The following SOX5 variants were observed in gnomAD, a reference collection of about 807,000 sequenced individuals.
The protein encoded by SOX5 is transcription factor SOX-5.
In SOX5, 9 loss-of-function variants were observed where a neutral mutation model predicts 92.0. That is an observed-to-expected ratio of 0.10 (90% CI 0.06 to 0.17). The LOEUF (loss-of-function observed/expected upper bound fraction) is 0.17, where lower values mean the gene tolerates loss of function less well. Ranked by LOEUF, SOX5 falls within the 10% of genes least tolerant of loss-of-function variation. SOX5 has a pLI of 1.00. For synonymous variants in SOX5, 344 were observed against 336.3 expected (o/e 1.02, Z -0.25); for missense variants, 642 against 944.5 (o/e 0.68, Z 4.20).
intron 7 of SOX5, among the ~76,000 whole-genome samples, chr12:23,661,836 T>C (rs1442784639): frequency 1.3e-5 from 2 of 152,190 alleles, no homozygotes; most frequent in African/African-American, 4.8e-5. Context: ...GAAACTTTAG[T>C]TACTTAGTTG....
chr12:23,592,757 A>G (rs1951745787), intron 9 of SOX5, among the ~76,000 whole-genome samples: 1 of 152,166 alleles, frequency 6.6e-6, no homozygotes, highest in East Asian at 1.9e-4. Flanking sequence ...AAAATTTCAA[A>G]TATATATTCA....
intron 7 of SOX5, among the ~76,000 whole-genome samples, chr12:23,656,987 T>C (rs547401790): frequency 1.3e-5 from 2 of 152,070 alleles, no homozygotes; most frequent in Non-Finnish European, 2.9e-5. Flanking sequence ...TGAAGGGTAT[T>C]ATGAGCTGAC....
At chr12:23,829,714 C>T (rs1476838897) in intron 3 of SOX5, among the ~76,000 whole-genome samples, 1 of 152,030 alleles carries the variant, frequency 6.6e-6, no homozygotes, top group Non-Finnish European at 1.5e-5. Flanking sequence ...TTACATAGAC[C>T]TGATAGTAGA....
At chr12:23,539,605 TAA>T (rs35395976) in intron 13 of SOX5, among the ~76,000 whole-genome samples, 25,398 of 140,990 alleles carry the variant, frequency 0.18, 2,441 homozygotes, top group Middle Eastern at 0.32. Flanking sequence ...TGGTCTGGCT[TAA>T]AAAAAAAAAA....
At chr12:24,538,066 T>TGCCCTATGA in intron 1 of SOX5, among the ~76,000 whole-genome samples, 1 of 152,180 alleles carries the variant, frequency 6.6e-6, no homozygotes, top group African/African-American at 2.4e-5. Context: ...CGGGAAGCAA[T>TGCCCTATGA]ATTCTCCAAA....
intron 2 of SOX5, among the ~76,000 whole-genome samples, chr12:24,314,535 T>TA (rs536101513): frequency 2.6e-4 from 38 of 146,892 alleles, no homozygotes; most frequent in South Asian, 6.6e-4. Flanking sequence ...AATTAAAAAA[T>TA]AAAAAAAAAA....
chr12:24,292,663 T>C (rs7315635), intron 2 of SOX5, among the ~76,000 whole-genome samples: 1,829 of 152,340 alleles, frequency 0.012, 30 homozygotes, highest in African/African-American at 0.042. Context: ...ACACAGTTGA[T>C]AGAATTTTGT....
At chr12:23,889,893 C>G (rs1568667494) in intron 2 of SOX5, among the ~76,000 whole-genome samples, 1 of 152,096 alleles carries the variant, frequency 6.6e-6, no homozygotes, top group Admixed American at 6.6e-5. Flanking sequence ...TCAGTATAAA[C>G]AATAAATTAG....
At position 23,887,335 on chromosome 12, in the gene SOX5, T is replaced by A. The variant is rs558740092; in HGVS notation, c.270+8458A>T. Among the ~76,000 whole-genome samples, 14 of 152,062 alleles carry A rather than the reference T, an allele frequency of 9.2e-5. No homozygotes were observed. In the South Asian group the frequency reaches 2.9e-3, roughly 32 times the overall value. On this transcript the variant is annotated intron_variant, in intron 2 of 14. Transcript: ENST00000451604. ...AAGAATGTTTTCTGATAGAGCCAAA[T>A]TGAAAGAAAGAGGAAAAAGAGAAGC... is the stretch of plus-strand genomic sequence containing the variant.
chr12:23,751,555 C>G (rs373438792), intron 4 of SOX5, among the ~76,000 whole-genome samples: 30 of 151,848 alleles, frequency 2.0e-4, no homozygotes, highest in African/African-American at 6.3e-4. Context: ...AAGCCACTGA[C>G]TGACTCTATA....
chr12:23,886,003 A>G (rs1460927612), intron 2 of SOX5, among the ~76,000 whole-genome samples: 3 of 152,156 alleles, frequency 2.0e-5, no homozygotes, highest in Non-Finnish European at 4.4e-5. Context: ...AAGAAAGGAA[A>G]GGGTTTAGAT....
At chr12:24,506,601 C>A (rs1304078780) in intron 1 of SOX5, among the ~76,000 whole-genome samples, 1 of 151,948 alleles carries the variant, frequency 6.6e-6, no homozygotes, top group Non-Finnish European at 1.5e-5. Flanking sequence ...TATAGAATTT[C>A]ATGCAAGGGG....
intron 8 of SOX5, among the ~76,000 whole-genome samples, chr12:23,617,534 T>G (rs2076707456): frequency 6.6e-6 from 1 of 152,180 alleles, no homozygotes. Flanking sequence ...TTACTCAGTG[T>G]GATACTTGGA....
chr12:24,424,811 G>C (rs537720317), intron 1 of SOX5, among the ~76,000 whole-genome samples: 22 of 149,322 alleles, frequency 1.5e-4, no homozygotes, highest in South Asian at 4.2e-4. Flanking sequence ...TTTTTTTTGG[G>C]GGGGGGGGAT....
intron 2 of SOX5, among the ~76,000 whole-genome samples, chr12:23,864,955 C>T (rs554368082): frequency 8.7e-4 from 132 of 152,288 alleles, no homozygotes; most frequent in African/African-American, 3.0e-3. Context: ...ATGAAAAAGT[C>T]AGTGCTTGGC....
At chr12:24,452,718 A>T (rs76699073) in intron 1 of SOX5, among the ~76,000 whole-genome samples, 1 of 152,162 alleles carries the variant, frequency 6.6e-6, no homozygotes, top group Admixed American at 6.5e-5. Flanking sequence ...AGAAAGGAAA[A>T]GAAGAATCCA....
chr12:24,388,520 CA>C (rs1469635358), intron 1 of SOX5, among the ~76,000 whole-genome samples: 3 of 152,144 alleles, frequency 2.0e-5, no homozygotes, highest in African/African-American at 7.2e-5. Flanking sequence ...CCTTCAGGCC[CA>C]GGGGTGGTGA....
At chr12:24,093,005 C>T (rs1241789137) in intron 4 of SOX5, among the ~76,000 whole-genome samples, 1 of 152,036 alleles carries the variant, frequency 6.6e-6, no homozygotes, top group African/African-American at 2.4e-5. Context: ...TCTCAGCCAT[C>T]TCATCTTAAA....
At chr12:23,838,480 T>C (rs1213348020) in intron 3 of SOX5, among the ~76,000 whole-genome samples, 2 of 152,022 alleles carry the variant, frequency 1.3e-5, no homozygotes, top group African/African-American at 2.4e-5. Context: ...TAAACATCAA[T>C]GCATCTTAGT....
Sources: allele counts gnomAD v4.1 joint callset (sites outside exome capture counted in the v4.1 genomes callset), GRCh38; gene constraint gnomAD v4.1.1; transcripts MANE v1.5; gene names NCBI Gene and HGNC (gene_info 2026-07-23, HGNC 2026-07-21).